TMEM178B: variants seen among roughly 807,000 people sequenced by gnomAD.
TMEM178B encodes the protein transmembrane protein 178B.
TMEM178B carries 5 observed loss-of-function variants against 31.0 expected under a neutral mutation model. The observed-to-expected ratio is 0.16, with a 90% CI of 0.08 to 0.34. The LOEUF is 0.34. Ranked by LOEUF, TMEM178B falls within the 10% of genes least tolerant of loss-of-function variation. The probability of loss-of-function intolerance (pLI) is 1.00; values close to 1 mark genes in which losing one functional copy is unlikely to be tolerated. For missense variants in TMEM178B, 275 were observed against 400.3 expected (o/e 0.69, Z 2.67); for synonymous variants, 164 against 164.0 (o/e 1.00, Z 0.00).
the TMEM178B span, among the ~76,000 whole-genome samples, chr7:141,496,691 A>AAAC: frequency 6.6e-6 from 1 of 150,612 alleles, no homozygotes; most frequent in Admixed American, 6.6e-5. Context: ...AAAAAAAAAA[A>AAAC]AACCTCTGTA....
rs146698902 is a variant in TMEM178B at position 141,084,168 on chromosome 7, A to G, written c.382+9476A>G. ...CACAACCAAAGTATGCTTGGGATGCAGAAGTTAGTAAAACATGAAATTCCT... is the reference window on the plus strand; with the variant it reads ...CACAACCAAAGTATGCTTGGGATGCGGAAGTTAGTAAAACATGAAATTCCT... On this transcript the variant is annotated intron_variant, in intron 1 of 3. Transcript: ENST00000565468. 1.3e-3 allele frequency among the ~76,000 whole-genome samples: 198 copies of G among 152,378 alleles called. 1 individual carries two copies. Among genetic ancestry groups the G allele is most frequent in the African/African-American group, 4.6e-3 (190 of 41,598 alleles).
At chr7:141,116,946 T>C (rs1370012444) in intron 1 of TMEM178B, among the ~76,000 whole-genome samples, 7 of 152,226 alleles carry the variant, frequency 4.6e-5, no homozygotes, top group Non-Finnish European at 8.8e-5. Context: ...TTCCAAGTCT[T>C]TGCTATTGTC....
At chr7:141,464,532 T>C (rs908450920) in intron 3 of TMEM178B, among the ~76,000 whole-genome samples, 3 of 152,204 alleles carry the variant, frequency 2.0e-5, no homozygotes, top group African/African-American at 7.2e-5. Context: ...GTATAAGCTT[T>C]TTTAAAAAGC....
intron 1 of TMEM178B, among the ~76,000 whole-genome samples, chr7:141,086,403 G>A (rs1022432139): frequency 1.3e-5 from 2 of 152,176 alleles, no homozygotes; most frequent in African/African-American, 4.8e-5. Flanking sequence ...ACACATGTAT[G>A]TTAATATTAT....
chr7:141,136,897 T>G (rs1429895679), intron 1 of TMEM178B, among the ~76,000 whole-genome samples: 1 of 152,118 alleles, frequency 6.6e-6, no homozygotes, highest in Non-Finnish European at 1.5e-5. Context: ...AGGATCTGAA[T>G]ACATATTTCT....
intron 2 of TMEM178B, among the ~76,000 whole-genome samples, chr7:141,342,099 C>T (rs1337166621): frequency 6.6e-6 from 1 of 152,082 alleles, no homozygotes; most frequent in East Asian, 1.9e-4. Flanking sequence ...AGGTGTGCAC[C>T]ACCACACCTG....
chr7:141,083,262 A>G (rs1219845343), intron 1 of TMEM178B, among the ~76,000 whole-genome samples: 2 of 152,170 alleles, frequency 1.3e-5, no homozygotes, highest in Non-Finnish European at 2.9e-5. Context: ...TAATGTCTTG[A>G]TTGCTGTTTT....
chr7:141,270,924 T>C (rs1451223338), intron 2 of TMEM178B, among the ~76,000 whole-genome samples: 1 of 152,240 alleles, frequency 6.6e-6, no homozygotes, highest in Non-Finnish European at 1.5e-5. Flanking sequence ...TTTTCACTTC[T>C]GTACATTTCT....
intron 1 of TMEM178B, among the ~76,000 whole-genome samples, chr7:141,169,685 G>A (rs1796317947): frequency 6.6e-6 from 1 of 152,148 alleles, no homozygotes; most frequent in South Asian, 2.1e-4. Flanking sequence ...GGGATACAAA[G>A]GTGAAAAAGA....
chr7:141,488,900 T>G, the TMEM178B span, among the ~76,000 whole-genome samples: 2 of 151,798 alleles, frequency 1.3e-5, no homozygotes, highest in South Asian at 4.2e-4. Flanking sequence ...AAATTTAATT[T>G]TTTTCCCCCG....
At chr7:141,242,878 C>G (rs574676309) in intron 2 of TMEM178B, among the ~76,000 whole-genome samples, 1 of 152,222 alleles carries the variant, frequency 6.6e-6, no homozygotes, top group Non-Finnish European at 1.5e-5. Flanking sequence ...TGCTGTCTCT[C>G]TGCCTTTGAG....
At chr7:141,317,694 C>T (rs1219479593) in intron 2 of TMEM178B, among the ~76,000 whole-genome samples, 1 of 152,112 alleles carries the variant, frequency 6.6e-6, no homozygotes, top group Non-Finnish European at 1.5e-5. Flanking sequence ...TTAGAAACTC[C>T]AGAACCATAA....
chr7:141,460,322 C>T (rs545822419), intron 3 of TMEM178B, among the ~76,000 whole-genome samples: 15 of 152,374 alleles, frequency 9.8e-5, no homozygotes, highest in East Asian at 3.9e-4. Context: ...TGCGTGTGCA[C>T]GCACCTGGTG....
chr7:141,461,191 C>G lies in TMEM178B; in HGVS notation c.635-9345C>G, dbSNP rs180791909. Among the ~76,000 whole-genome samples the G allele has an allele frequency of 6.8e-4, 103 of 152,276 alleles. No individual in the cohort carries two copies. Among genetic ancestry groups the G allele is most frequent in the Non-Finnish European group, 1.1e-3 (76 of 68,026 alleles). ...TTGGAGAGGGAATAGAGGGAGGTGTCTCATGGAGGACTTGGCTGCTTCTTC... is the reference window on the plus strand; with the variant it reads ...TTGGAGAGGGAATAGAGGGAGGTGTGTCATGGAGGACTTGGCTGCTTCTTC... On this transcript the variant is annotated intron_variant, in intron 3 of 3. Transcript: ENST00000565468. This position sits in a 1 kb window ranked among gnomAD's most constrained non-coding sequence, Gnocchi z 4.0.
intron 2 of TMEM178B, among the ~76,000 whole-genome samples, chr7:141,298,914 G>A (rs960944639): frequency 1.3e-5 from 2 of 152,192 alleles, no homozygotes; most frequent in African/African-American, 4.8e-5. Context: ...CCAGGACTTT[G>A]ACCCCTACTC....
intron 2 of TMEM178B, among the ~76,000 whole-genome samples, chr7:141,241,165 C>A (rs576738736): frequency 9.4e-4 from 142 of 151,652 alleles, no homozygotes; most frequent in African/African-American, 3.4e-3. Context: ...AATCCCTAGC[C>A]CCCTCCCATC....
At chr7:141,155,307 A>C (rs1375113872) in intron 1 of TMEM178B, among the ~76,000 whole-genome samples, 3 of 152,204 alleles carry the variant, frequency 2.0e-5, no homozygotes, top group Non-Finnish European at 2.9e-5. Flanking sequence ...CTTGCTGCCA[A>C]GGATCTGGGT....
intron 1 of TMEM178B, among the ~76,000 whole-genome samples, chr7:141,116,876 A>G (rs974522363): frequency 1.3e-5 from 2 of 152,190 alleles, no homozygotes; most frequent in African/African-American, 2.4e-5. Flanking sequence ...ATAGTATTCC[A>G]TGGCATATAT....
intron 2 of TMEM178B, among the ~76,000 whole-genome samples, chr7:141,231,403 C>T (rs115583820): frequency 0.026 from 3,987 of 152,132 alleles, 162 homozygotes; most frequent in African/African-American, 0.091. Context: ...GATTCCTTCT[C>T]CAGAGGCAAT....
Sources: gnomAD v4.1 joint callset for allele counts (sites outside exome capture counted in the v4.1 genomes callset) on GRCh38, gnomAD v4.1.1 for gene constraint, Gnocchi (gnomAD v3.1) non-coding constraint, MANE v1.5 for transcripts, NCBI Gene and HGNC (gene_info 2026-07-23, HGNC 2026-07-21) for gene names.